MAP4K5: variants seen among roughly 807,000 people sequenced by gnomAD.
The protein encoded by MAP4K5 is mitogen-activated protein kinase kinase kinase kinase 5.
A neutral mutation model predicts 135.6 loss-of-function variants in MAP4K5; 82 were observed. The ratio of observed to expected loss-of-function variants is 0.60; its 90% confidence interval spans 0.51 to 0.73. The LOEUF (loss-of-function observed/expected upper bound fraction) is 0.73, where lower values mean the gene tolerates loss of function less well. Among genes scored for constraint, MAP4K5 ranks in the 30% least tolerant of loss-of-function variants. The pLI is 0.00. For missense variants in MAP4K5, 907 were observed against 1,010.9 expected (o/e 0.90, Z 1.39); for synonymous variants, 347 against 335.0 (o/e 1.04, Z -0.39).
chr14:50,428,503 A>C (rs898457312), intron 30 of MAP4K5, among the ~76,000 whole-genome samples, 159 bp downstream of exon 30: 2 of 152,128 alleles, frequency 1.3e-5, no homozygotes, highest in African/African-American at 4.8e-5. Flanking sequence ...TGATCTGCCC[A>C]CCTTGGCCTC....
intron 10 of MAP4K5, chr14:50,468,385 G>A: frequency 8.5e-6 from 3 of 354,570 alleles, no homozygotes; most frequent in Non-Finnish European, 1.5e-5. Context: ...TACAAGACAG[G>A]TTTTATTTAT....
chr14:50,428,534 G>A, intron 30 of MAP4K5, 128 bp downstream of exon 30: 1 of 556,192 alleles, frequency 1.8e-6, no homozygotes, highest in South Asian at 2.7e-5. Context: ...GGGATTACAG[G>A]CGTAGAACAT....
chr14:50,517,098 T>G (rs1236238222), intron 2 of MAP4K5, among the ~76,000 whole-genome samples: 1 of 152,132 alleles, frequency 6.6e-6, no homozygotes, highest in Non-Finnish European at 1.5e-5. Context: ...AACATTAGAT[T>G]CATGACAACA....
At chr14:50,444,112 C>G (rs566009260) in intron 18 of MAP4K5, 76 bp from the exon 19 acceptor site, 11 of 978,894 alleles carry the variant, frequency 1.1e-5, no homozygotes, top group Middle Eastern at 4.1e-4. Flanking sequence ...CCCCTTTCTC[C>G]CACTATTTGT....
At chr14:50,461,613 T>G (rs1195348358) in intron 13 of MAP4K5, among the ~76,000 whole-genome samples, 4 of 152,044 alleles carry the variant, frequency 2.6e-5, no homozygotes, top group African/African-American at 4.8e-5. Flanking sequence ...CCTGACAAAT[T>G]GTGTTGTTAT....
At chr14:50,533,865 G>T (rs2038456786), upstream of MAP4K5, among the ~76,000 whole-genome samples, 1 of 152,168 alleles carries the variant, frequency 6.6e-6, no homozygotes, top group Non-Finnish European at 1.5e-5. Context: ...TAACAGGACA[G>T]GGCATATATG....
intron 5 of MAP4K5, among the ~76,000 whole-genome samples, chr14:50,484,324 G>A (rs907902162): frequency 2.0e-5 from 3 of 151,924 alleles, no homozygotes; most frequent in Non-Finnish European, 4.4e-5. Flanking sequence ...TTGTTGTTAT[G>A]GATTATTTGT....
At chr14:50,525,511 A>G (rs971644912) in intron 2 of MAP4K5, among the ~76,000 whole-genome samples, 4 of 152,114 alleles carry the variant, frequency 2.6e-5, no homozygotes, top group Non-Finnish European at 4.4e-5. Context: ...AAATCCTTAC[A>G]CTACACTGTA....
intron 21 of MAP4K5, 127 bp downstream of exon 21, chr14:50,442,605 A>G: frequency 1.5e-6 from 1 of 651,476 alleles, no homozygotes; most frequent in East Asian, 3.1e-5. Flanking sequence ...AGGTTGTTGC[A>G]GGTTCCTATA....
Position 50,464,117 on chromosome 14 carries a change from T to C in MAP4K5, c.754A>G (p.Asn252Asp). Residue 252 changes from asparagine to aspartate, a missense_variant, in exon 12 of 33, where the codon AAT (asparagine) becomes GAT (aspartate). Asn to Asp is a conservative substitution (Grantham distance 23). This residue lies in a region of MAP4K5 where 690 missense variants were observed against 777.4 expected (regional missense o/e 0.89). Transcript: ENST00000682126. ...DKTKWSSTFH[N>D]FVKIALTKNP... ...TTGGTTAGTGCTATTTTGACAAAATTATGGAATGTTGATGACCTTAAAATA... is the reference window on the plus strand; with the variant it reads ...TTGGTTAGTGCTATTTTGACAAAATCATGGAATGTTGATGACCTTAAAATA... The C allele has an allele frequency of 6.6e-7, 1 of 1,525,898 alleles. No individual in the cohort carries two copies. Among genetic ancestry groups the C allele is most frequent in the Non-Finnish European group, 8.9e-7 (1 of 1,123,784 alleles). 94.5% of individuals were successfully genotyped at this position (1,525,898 alleles called of 1,614,324 possible). A position where few individuals can be genotyped will look rare whatever the true frequency, so the allele number is the denominator to read the frequency against.
At chr14:50,531,608 T>A (rs1047890975) in intron 2 of MAP4K5, among the ~76,000 whole-genome samples, 1 of 152,224 alleles carries the variant, frequency 6.6e-6, no homozygotes, top group African/African-American at 2.4e-5. Context: ...GAAGCATTTT[T>A]CCATGCTAAC....
chr14:50,496,140 C>T (rs1448204670), intron 3 of MAP4K5, among the ~76,000 whole-genome samples: 2 of 152,012 alleles, frequency 1.3e-5, no homozygotes, highest in Non-Finnish European at 1.5e-5. Flanking sequence ...GCCTGGCCAA[C>T]ATGGTGAAAC....
Position 50,476,407 on chromosome 14 carries a change from T to C in MAP4K5, c.379-101A>G, listed in dbSNP as rs895957243. 88 of 549,428 alleles carry C rather than the reference T, an allele frequency of 1.6e-4. No homozygotes were observed. The African/African-American group carries it at 1.7e-3, about 11-fold the overall frequency. 34.0% of individuals were successfully genotyped at this position (549,428 alleles called of 1,614,324 possible). A position where few individuals can be genotyped will look rare whatever the true frequency, so the allele number is the denominator to read the frequency against. On this transcript the variant is annotated intron_variant, in intron 6 of 32. Coordinates refer to ENST00000682126, the MANE Select transcript of MAP4K5 (RefSeq NM_006575.6). ...TCTTATTGAATAAGAAAAACTAGAA[T>C]GTCTTTTTTGGGGAGAAAAAAACCT...
At position 50,419,918 on chromosome 14, in the gene MAP4K5, T is replaced by C. The variant is rs899246675; in HGVS notation, c.*101A>G. 8.7e-6 allele frequency: 7 copies of C among 800,526 alleles called. No homozygotes were observed. Among genetic ancestry groups the C allele is most frequent in the Non-Finnish European group, 1.1e-5 (5 of 469,766 alleles). 49.6% of individuals were successfully genotyped at this position (800,526 alleles called of 1,614,324 possible). A position where few individuals can be genotyped will look rare whatever the true frequency, so the allele number is the denominator to read the frequency against. ...AGATCATTTGCAATATAACCCATAA[T>C]AGTTAAAGCAAATCATAGTGCAGTT... On this transcript the variant is annotated 3_prime_UTR_variant, in exon 33 of 33. Coordinates refer to ENST00000682126, the MANE Select transcript of MAP4K5 (RefSeq NM_006575.6).
chr14:50,466,060 G>A (rs1420678636), intron 11 of MAP4K5, among the ~76,000 whole-genome samples: 1 of 152,062 alleles, frequency 6.6e-6, no homozygotes, highest in Non-Finnish European at 1.5e-5. Context: ...GCAACAGAGT[G>A]AGACTCCGTC....
intron 6 of MAP4K5, among the ~76,000 whole-genome samples, chr14:50,480,265 T>C (rs1458406766): frequency 2.6e-5 from 4 of 152,008 alleles, no homozygotes; most frequent in African/African-American, 9.7e-5. Context: ...GAGAAAGCGG[T>C]ATCCATCCCC....
intron 5 of MAP4K5, chr14:50,483,227 C>G (rs1595497727): frequency 1.3e-5 from 2 of 151,978 alleles, no homozygotes; most frequent in East Asian, 3.9e-4. Flanking sequence ...GATCCAGTAC[C>G]TTATCTAAGA....
intron 5 of MAP4K5, among the ~76,000 whole-genome samples, chr14:50,484,013 A>T (rs2037311230): frequency 6.6e-6 from 1 of 152,058 alleles, no homozygotes; most frequent in Non-Finnish European, 1.5e-5. Flanking sequence ...GGTGCCTGCC[A>T]CCACACTTGG....
At chr14:50,520,410 A>T (rs1595542452) in intron 2 of MAP4K5, among the ~76,000 whole-genome samples, 1 of 152,166 alleles carries the variant, frequency 6.6e-6, no homozygotes, top group Admixed American at 6.5e-5. Context: ...CTGTGGCAGA[A>T]GAATTGCTTG....
Sources: allele counts gnomAD v4.1 joint callset (sites outside exome capture counted in the v4.1 genomes callset), GRCh38; gene constraint gnomAD v4.1.1; regional missense constraint gnomAD v4.1.1; transcripts MANE v1.5; gene names NCBI Gene and HGNC (gene_info 2026-07-23, HGNC 2026-07-21).